NHS: variants seen among roughly 807,000 people sequenced by gnomAD.
NHS encodes the protein actin remodeling regulator NHS.
A neutral mutation model predicts 72.5 loss-of-function variants in NHS; 5 were observed. The observed-to-expected ratio is 0.07, with a 90% CI of 0.04 to 0.14. The LOEUF is 0.14. NHS is among the 10% of genes least tolerant of loss of function. NHS has a pLI of 1.00. For missense variants in NHS, 1,072 were observed against 1,355.7 expected, an observed-to-expected ratio of 0.79 and a Z score of 3.29; for synonymous variants, 464 against 547.7, an observed-to-expected ratio of 0.85 and a Z score of 2.13.
At chrX:17,670,992 G>C (rs2066041805) in intron 1 of NHS, among the ~76,000 whole-genome samples, 1 of 112,104 alleles carries the variant, frequency 8.9e-6, no homozygotes, top group Non-Finnish European at 1.9e-5. Context: ...TGGGGCTGAA[G>C]GGTGCCCGAA....
intron 1 of NHS, among the ~76,000 whole-genome samples, chrX:17,509,850 G>A (rs2065078408): frequency 8.9e-6 from 1 of 112,584 alleles, no homozygotes; most frequent in South Asian, 3.7e-4. Flanking sequence ...ATAAAGGAGT[G>A]AAGTTTTATA....
At chrX:17,578,943 T>A (rs2065527037) in intron 1 of NHS, among the ~76,000 whole-genome samples, 1 of 111,625 alleles carries the variant, frequency 9.0e-6, no homozygotes, top group South Asian at 3.7e-4. Flanking sequence ...TCTGTGCGCA[T>A]GTGTGTGAGT....
intron 1 of NHS, among the ~76,000 whole-genome samples, chrX:17,675,473 A>G (rs2066074066): frequency 8.9e-6 from 1 of 112,326 alleles, no homozygotes; most frequent in African/African-American, 3.2e-5. Context: ...TCTAGAACCA[A>G]TGACAACCTA....
intron 1 of NHS, among the ~76,000 whole-genome samples, chrX:17,615,481 G>A (rs1266604861): frequency 1.9e-5 from 2 of 106,408 alleles, no homozygotes; most frequent in Non-Finnish European, 3.9e-5. Context: ...CCAACTCCTG[G>A]GATCAAGCCT....
chrX:17,597,718 G>C (rs764566800), intron 1 of NHS, among the ~76,000 whole-genome samples: 6 of 110,759 alleles, frequency 5.4e-5, no homozygotes, highest in Non-Finnish European at 1.1e-4. Flanking sequence ...GATTAGATAA[G>C]AGGGAACTCA....
At position 17,527,808 on chromosome X, in the gene NHS, T is replaced by A. The variant is rs777231867; in HGVS notation, c.565+151486T>A. 5.4e-5 allele frequency among the ~76,000 whole-genome samples: 6 copies of A among 111,222 alleles called. No individual in the cohort carries two copies. The South Asian group carries it at 2.3e-3, about 43-fold the overall frequency. ...AGATATCTGGTAAACTACAAGCCGC[T>A]CCCTTTTTAAATAGGCTTCACTGCC... On this transcript the variant is annotated intron_variant, in intron 1 of 8. Coordinates refer to ENST00000676302, the MANE Select transcript of NHS (RefSeq NM_001291867.2).
chrX:17,618,470 A>G (rs1389646921), intron 1 of NHS, among the ~76,000 whole-genome samples: 5 of 112,334 alleles, frequency 4.5e-5, no homozygotes, highest in Non-Finnish European at 9.4e-5. Flanking sequence ...GTACAAATAA[A>G]TATCTTCAGA....
intron 1 of NHS, among the ~76,000 whole-genome samples, chrX:17,532,787 C>T (rs1260887620): frequency 2.7e-5 from 3 of 111,559 alleles, no homozygotes; most frequent in East Asian, 2.8e-4. Context: ...AAATGGCTTC[C>T]GCTTTGCACT....
At chrX:17,584,036 G>A (rs1332233135) in intron 1 of NHS, among the ~76,000 whole-genome samples, 3 of 111,613 alleles carry the variant, frequency 2.7e-5, no homozygotes, top group South Asian at 3.8e-4. Flanking sequence ...AGCCCTGATC[G>A]AAGTGGATAA....
In NHS at chrX:17,523,251, G is replaced by A. The variant is rs533987322; in HGVS notation, c.565+146929G>A. ...CCATCAGGCTGAGTCTTAGAGCCTGGCAGGACTCAGGCCTGACAGAATGCA... is the reference window on the plus strand; with the variant it reads ...CCATCAGGCTGAGTCTTAGAGCCTGACAGGACTCAGGCCTGACAGAATGCA... On this transcript the variant is annotated intron_variant, in intron 1 of 8. Coordinates refer to ENST00000676302, the MANE Select transcript of NHS (RefSeq NM_001291867.2). Among the ~76,000 whole-genome samples the A allele has an allele frequency of 4.6e-4, 52 of 111,856 alleles. No individual in the cohort carries two copies. In the South Asian group the frequency reaches 0.019, roughly 40 times the overall value.
At chrX:17,576,802 A>T (rs1332506499) in intron 1 of NHS, among the ~76,000 whole-genome samples, 1 of 111,743 alleles carries the variant, frequency 8.9e-6, no homozygotes, top group Non-Finnish European at 1.9e-5. Context: ...TATGGACCCT[A>T]TCCAGTTCTG....
chrX:17,684,996 A>G (rs940821931), intron 1 of NHS, among the ~76,000 whole-genome samples: 3 of 112,655 alleles, frequency 2.7e-5, no homozygotes, highest in Non-Finnish European at 5.6e-5. Flanking sequence ...AAAAGGGAGC[A>G]TGGTGAACCC....
intron 1 of NHS, among the ~76,000 whole-genome samples, chrX:17,582,848 T>C (rs2065551516): frequency 8.9e-6 from 1 of 112,600 alleles, no homozygotes; most frequent in African/African-American, 3.2e-5. Context: ...CAGACATTCA[T>C]ACCCATACAC....
chrX:17,635,298 T>G, intron 1 of NHS: 1 of 1,060,332 alleles, frequency 9.4e-7, no homozygotes, highest in South Asian at 2.5e-5. Context: ...GAGTCCTGAT[T>G]TGCCATTCAA....
At chrX:17,549,147 A>AAG (rs2065313088) in intron 1 of NHS, among the ~76,000 whole-genome samples, 1 of 105,336 alleles carries the variant, frequency 9.5e-6, no homozygotes, top group African/African-American at 3.5e-5. Context: ...AAAAAAAAAA[A>AAG]AAAGAAAGAA....
At chrX:17,441,198 C>T (rs1049439230) in intron 1 of NHS, among the ~76,000 whole-genome samples, 1 of 112,571 alleles carries the variant, frequency 8.9e-6, no homozygotes, top group Admixed American at 9.3e-5. Flanking sequence ...AGCCTGGCCC[C>T]TCCTCCGTGC....
intron 1 of NHS, among the ~76,000 whole-genome samples, chrX:17,595,932 A>G (rs1481131545): frequency 9.0e-6 from 1 of 111,665 alleles, no homozygotes; most frequent in East Asian, 2.8e-4. Flanking sequence ...GTGAATTTAT[A>G]TGGCTCTAGG....
At chrX:17,377,595 T>C (rs2064353546) in intron 1 of NHS, among the ~76,000 whole-genome samples, 1 of 113,588 alleles carries the variant, frequency 8.8e-6, no homozygotes, top group Admixed American at 9.2e-5. Context: ...CGGGCACCTC[T>C]GCCCCACAGC....
intron 1 of NHS, among the ~76,000 whole-genome samples, chrX:17,505,151 C>G (rs184680727): frequency 9.0e-6 from 1 of 111,717 alleles, no homozygotes; most frequent in Non-Finnish European, 1.9e-5. Context: ...AAATTAGCTA[C>G]TCATTTTTTT....
Sources: allele counts gnomAD v4.1 joint callset (sites outside exome capture counted in the v4.1 genomes callset), GRCh38; gene constraint gnomAD v4.1.1; transcripts MANE v1.5; gene names NCBI Gene and HGNC (gene_info 2026-07-23, HGNC 2026-07-21).